The following IL1RAPL1 variants were observed in gnomAD, a reference collection of about 807,000 sequenced individuals.
IL1RAPL1 encodes interleukin 1 receptor accessory protein like 1, also known as interleukin-1 receptor accessory protein-like 1.
In IL1RAPL1, 3 loss-of-function variants were observed where a neutral mutation model predicts 48.4. The observed-to-expected ratio is 0.06, with a 90% CI of 0.03 to 0.16. IL1RAPL1 has a LOEUF of 0.16. IL1RAPL1 is among the 10% of genes least tolerant of loss of function. IL1RAPL1 has a pLI of 1.00. For missense variants in IL1RAPL1, 349 were observed against 530.6 expected (o/e 0.66, Z 3.36); for synonymous variants, 185 against 187.7 (o/e 0.99, Z 0.12).
chrX:28,987,175 A>T (rs1460367743), intron 2 of IL1RAPL1, among the ~76,000 whole-genome samples: 1 of 112,105 alleles, frequency 8.9e-6, no homozygotes, highest in East Asian at 2.8e-4. Context: ...GAGTGTCCTG[A>T]AGGTTACTTG....
intron 6 of IL1RAPL1, among the ~76,000 whole-genome samples, chrX:29,790,121 C>T (rs1432114070): frequency 1.8e-5 from 2 of 111,310 alleles, no homozygotes; most frequent in Non-Finnish European, 3.8e-5. Flanking sequence ...ACCATTTACT[C>T]GGTGCCTTTC....
chrX:29,213,103 A>G (rs1187722112), intron 2 of IL1RAPL1, among the ~76,000 whole-genome samples: 1 of 111,403 alleles, frequency 9.0e-6, no homozygotes, highest in Admixed American at 9.5e-5. Flanking sequence ...GGTTCAAATG[A>G]TTCTCCTGCC....
intron 1 of IL1RAPL1, among the ~76,000 whole-genome samples, chrX:28,612,862 AC>A (rs779373745): frequency 4.5e-5 from 5 of 112,186 alleles, no homozygotes; most frequent in Admixed American, 9.5e-5. Flanking sequence ...TAGTATGGAA[AC>A]TTTTCTCTTC....
chrX:28,669,522 G>A (rs1382195639), intron 1 of IL1RAPL1, among the ~76,000 whole-genome samples: 1 of 108,435 alleles, frequency 9.2e-6, no homozygotes, highest in Non-Finnish European at 1.9e-5. Context: ...AGGAAGCTGA[G>A]GCAGGAGAAT....
At position 29,077,965 on chromosome X, in the gene IL1RAPL1, C is replaced by A. The variant is rs1385182809; in HGVS notation, c.83-204973C>A. ...AAAGAAGAAAAGCCACGCTACAAGA[C>A]TAGAGAAAATCAACATAAAGAACAA... On this transcript the variant is annotated intron_variant, in intron 2 of 10. Coordinates refer to ENST00000378993, the MANE Select transcript of IL1RAPL1 (RefSeq NM_014271.4). Among the ~76,000 whole-genome samples the A allele has an allele frequency of 2.7e-5, 3 of 111,742 alleles. No individual in the cohort carries two copies. The Admixed American group carries it at 2.8e-4, about 11-fold the overall frequency.
At chrX:29,376,161 T>C (rs1317955492) in intron 3 of IL1RAPL1, among the ~76,000 whole-genome samples, 1 of 111,607 alleles carries the variant, frequency 9.0e-6, no homozygotes, top group Non-Finnish European at 1.9e-5. Flanking sequence ...AGTTAGATGA[T>C]TGTTAATTTG....
At chrX:29,484,222 G>T (rs150736234) in intron 5 of IL1RAPL1, among the ~76,000 whole-genome samples, 240 of 111,580 alleles carry the variant, frequency 2.2e-3, no homozygotes, top group Middle Eastern at 9.3e-3. Context: ...ATAGTCTGGA[G>T]GATGGGAATT....
chrX:29,173,010 C>T (rs1293432539), intron 2 of IL1RAPL1, among the ~76,000 whole-genome samples: 6 of 111,291 alleles, frequency 5.4e-5, no homozygotes, highest in African/African-American at 2.0e-4. Context: ...TGCTGCTAAA[C>T]CCACCCAAGG....
chrX:29,952,837 T>C (rs1933345370), intron 9 of IL1RAPL1, among the ~76,000 whole-genome samples: 1 of 112,463 alleles, frequency 8.9e-6, no homozygotes, highest in Non-Finnish European at 1.9e-5. Flanking sequence ...AAAAAACTCT[T>C]CTATAGCTGA....
At chrX:29,692,200 A>G (rs1043302726) in intron 6 of IL1RAPL1, among the ~76,000 whole-genome samples, 3 of 112,366 alleles carry the variant, frequency 2.7e-5, no homozygotes, top group African/African-American at 9.7e-5. Context: ...TCCATGCCTC[A>G]AAATCACATG....
intron 2 of IL1RAPL1, among the ~76,000 whole-genome samples, chrX:29,008,969 G>C (rs775263550): frequency 4.3e-4 from 48 of 110,883 alleles, no homozygotes; most frequent in Non-Finnish European, 3.8e-4. Context: ...ATGGCTTCCA[G>C]CTGCATCCAT....
chrX:29,602,644 A>C (rs1602320082), intron 5 of IL1RAPL1, among the ~76,000 whole-genome samples: 1 of 112,639 alleles, frequency 8.9e-6, no homozygotes, highest in African/African-American at 3.2e-5. Flanking sequence ...TTAATGGAAA[A>C]GGAAATAAAA....
At chrX:28,608,928 A>C (rs745944098) in intron 1 of IL1RAPL1, among the ~76,000 whole-genome samples, 1 of 112,378 alleles carries the variant, frequency 8.9e-6, no homozygotes, top group African/African-American at 3.2e-5. Context: ...AACTTCTATA[A>C]ATGTTTTTTT....
chrX:29,878,167 G>A (rs1227762292), intron 6 of IL1RAPL1, among the ~76,000 whole-genome samples: 2 of 111,838 alleles, frequency 1.8e-5, no homozygotes, highest in Non-Finnish European at 3.8e-5. Context: ...TAGCTTATGG[G>A]AGGTGTGGGT....
chrX:29,271,768 CT>C (rs1477336421), intron 2 of IL1RAPL1, among the ~76,000 whole-genome samples: 2 of 111,834 alleles, frequency 1.8e-5, no homozygotes, highest in African/African-American at 6.5e-5. Context: ...GATATTACAC[CT>C]TTGTTGGATG....
chrX:28,952,371 C>T (rs1242983708), intron 2 of IL1RAPL1, among the ~76,000 whole-genome samples: 1 of 110,935 alleles, frequency 9.0e-6, no homozygotes, highest in Non-Finnish European at 1.9e-5. Flanking sequence ...GTTATATGTA[C>T]ACACAAAAAG....
chrX:29,075,045 G>A (rs1437124625), intron 2 of IL1RAPL1, among the ~76,000 whole-genome samples: 1 of 111,806 alleles, frequency 8.9e-6, no homozygotes, highest in Non-Finnish European at 1.9e-5. Flanking sequence ...CCTTGTTACA[G>A]TTCTGTTTCA....
chrX:28,937,560 A>C (rs910719052), intron 2 of IL1RAPL1, among the ~76,000 whole-genome samples: 1 of 111,678 alleles, frequency 9.0e-6, no homozygotes, highest in Non-Finnish European at 1.9e-5. Context: ...CAATGTCTAC[A>C]TGCTGTCCTA....
intron 6 of IL1RAPL1, among the ~76,000 whole-genome samples, chrX:29,903,052 C>CAAAG (rs1932526605): frequency 9.1e-6 from 1 of 110,346 alleles, no homozygotes; most frequent in African/African-American, 3.3e-5. Context: ...CTCTGATTTC[C>CAAAG]AAAGAACTAT....
Sources: allele counts gnomAD v4.1 joint callset (sites outside exome capture counted in the v4.1 genomes callset), GRCh38; gene constraint gnomAD v4.1.1; transcripts MANE v1.5; gene names NCBI Gene and HGNC (gene_info 2026-07-23, HGNC 2026-07-21).